Variants in TMEM120B observed in about 807,000 individuals in gnomAD.
TMEM120B encodes transmembrane protein 120B.
A neutral mutation model predicts 55.5 loss-of-function variants in TMEM120B; 31 were observed. The observed-to-expected ratio is 0.56, with a 90% confidence interval of 0.42 to 0.75. TMEM120B has a LOEUF of 0.75. TMEM120B is among the 30% of genes least tolerant of loss of function. The pLI is 0.00. For missense variants in TMEM120B, 399 were observed against 425.5 expected, an observed-to-expected ratio of 0.94 and a Z score of 0.55; for synonymous variants, 203 against 176.3, an observed-to-expected ratio of 1.15 and a Z score of -1.20.
At chr12:121,736,874 C>T (rs748314025) in intron 1 of TMEM120B, among the ~76,000 whole-genome samples, 40 of 151,992 alleles carry the variant, frequency 2.6e-4, no homozygotes, top group Non-Finnish European at 2.5e-4. Context: ...ATGTCTGGAA[C>T]CTATGCGGGA....
chr12:121,756,608 G>A (rs1458402382), intron 5 of TMEM120B, among the ~76,000 whole-genome samples: 1 of 152,098 alleles, frequency 6.6e-6, no homozygotes, highest in African/African-American at 2.4e-5. Flanking sequence ...AAAAGGGAGG[G>A]AACCCCCCCG....
intron 2 of TMEM120B, among the ~76,000 whole-genome samples, chr12:121,746,217 C>T (rs1254760531): frequency 5.8e-5 from 8 of 137,236 alleles, no homozygotes; most frequent in East Asian, 4.4e-4. Flanking sequence ...GACAGAGTTT[C>T]GCTCTTGTTG....
intron 6 of TMEM120B, among the ~76,000 whole-genome samples, chr12:121,766,580 G>A (rs1447080321): frequency 6.6e-6 from 1 of 152,162 alleles, no homozygotes; most frequent in East Asian, 1.9e-4. Context: ...GGCCAGGCTT[G>A]GGTGACCTAC....
intron 6 of TMEM120B, among the ~76,000 whole-genome samples, chr12:121,767,482 G>A (rs1315252421): frequency 1.3e-5 from 2 of 152,292 alleles, no homozygotes; most frequent in African/African-American, 4.8e-5. Context: ...TTTAACTTCT[G>A]TGGTGAAATG....
intron 1 of TMEM120B, among the ~76,000 whole-genome samples, chr12:121,724,947 A>G (rs1169534702): frequency 1.3e-5 from 2 of 152,130 alleles, no homozygotes; most frequent in South Asian, 2.1e-4. Flanking sequence ...ACAGTTCTAT[A>G]GGCTCCATGT....
Position 121,781,594 on chromosome 12 carries a change from T to G in TMEM120B, c.*5872T>G. ...CTAGGGCTGGGGCTGGAGAAACTGC[T>G]AGAGATGATGCCGATAGCCAGTGTG... On this transcript the variant is annotated 3_prime_UTR_variant, in exon 12 of 12. Transcript: ENST00000449592. The G allele has an allele frequency of 4.7e-6, 1 of 213,614 alleles. No homozygotes were observed. The highest frequency in any genetic ancestry group is 1.2e-4 in the East Asian group (1 of 8,246). 13.2% of individuals were successfully genotyped at this position (213,614 alleles called of 1,614,324 possible). A position where few individuals can be genotyped will look rare whatever the true frequency, so the allele number is the denominator to read the frequency against.
At chr12:121,738,031 A>T (rs1424183699) in intron 1 of TMEM120B, among the ~76,000 whole-genome samples, 1 of 149,602 alleles carries the variant, frequency 6.7e-6, no homozygotes, top group Non-Finnish European at 1.5e-5. Context: ...AAAAAAAAAG[A>T]AAGTCCAGGC....
At chr12:121,758,894 G>A (rs1873575348) in intron 5 of TMEM120B, 1 of 982,176 alleles carries the variant, frequency 1.0e-6, no homozygotes, top group East Asian at 1.2e-4. Context: ...CACCATGGAG[G>A]AGGACGGCCT....
intron 6 of TMEM120B, among the ~76,000 whole-genome samples, chr12:121,767,072 A>C (rs1275427068): frequency 6.6e-6 from 1 of 152,060 alleles, no homozygotes; most frequent in Non-Finnish European, 1.5e-5. Context: ...ATATTGGGAC[A>C]TGCTGTCCCT....
intron 2 of TMEM120B, among the ~76,000 whole-genome samples, chr12:121,745,746 G>A (rs913693193): frequency 2.0e-5 from 3 of 152,172 alleles, no homozygotes; most frequent in South Asian, 4.1e-4. Context: ...GTGCAGTGGC[G>A]CAATCACGGC....
intron 6 of TMEM120B, 99 bp downstream of exon 6, chr12:121,761,837 T>A: frequency 1.1e-6 from 1 of 905,968 alleles, no homozygotes; most frequent in Non-Finnish European, 1.8e-6. Flanking sequence ...GCTGCATTCC[T>A]CTCCTCCTTG....
intron 1 of TMEM120B, among the ~76,000 whole-genome samples, chr12:121,729,111 T>C (rs1032779478): frequency 6.6e-6 from 1 of 152,118 alleles, no homozygotes; most frequent in East Asian, 1.9e-4. Flanking sequence ...GAGGGATGGG[T>C]ACCGCAAAAA....
intron 1 of TMEM120B, among the ~76,000 whole-genome samples, chr12:121,730,272 AG>A (rs1304132318): frequency 2.6e-5 from 4 of 150,984 alleles, no homozygotes; most frequent in African/African-American, 9.8e-5. Flanking sequence ...AAAAAAAAAA[AG>A]AAGGAAATTC....
Position 121,779,263 on chromosome 12 carries a change from A to G in TMEM120B, c.*3541A>G, listed in dbSNP as rs971179892. ...ATGAGGGCACTTGCGAGTCCCGACAACAGACACTGGCTCCTGCACCCACAT... is the reference window on the plus strand; with the variant it reads ...ATGAGGGCACTTGCGAGTCCCGACAGCAGACACTGGCTCCTGCACCCACAT... On this transcript the variant is annotated 3_prime_UTR_variant, in exon 12 of 12. Coordinates refer to ENST00000449592, the MANE Select transcript of TMEM120B (RefSeq NM_001080825.2). 1.8e-5 allele frequency: 10 copies of G among 567,448 alleles called. No homozygotes were observed. Among genetic ancestry groups the G allele is most frequent in the African/African-American group, 1.7e-4 (9 of 53,264 alleles). The allele number at this position is 567,448 out of a possible 1,614,324, so 35.2% of individuals were successfully genotyped here. A position where few individuals can be genotyped will look rare whatever the true frequency, so the allele number is the denominator to read the frequency against.
intron 8 of TMEM120B, among the ~76,000 whole-genome samples, chr12:121,773,090 C>T (rs1433012351): frequency 6.6e-6 from 1 of 152,170 alleles, no homozygotes; most frequent in Non-Finnish European, 1.5e-5. Flanking sequence ...ACAGAGCTCC[C>T]AACATAGCAC....
rs367771411 is a variant in TMEM120B at position 121,761,731 on chromosome 12, G to A, written c.544G>A (p.Gly182Ser). 3 of 1,613,516 alleles carry A rather than the reference G, an allele frequency of 1.9e-6. No individual in the cohort carries two copies. The highest frequency in any genetic ancestry group is 1.7e-6 in the Non-Finnish European group (2 of 1,179,574). ...TIRESILISN[G>S]SRIKGWWVSH... ...TCGGGAGAGCATTCTCATCAGCAACGGCTCAAGGTACCTGGGCACCTGGCT... is the reference window on the plus strand; with the variant it reads ...TCGGGAGAGCATTCTCATCAGCAACAGCTCAAGGTACCTGGGCACCTGGCT... The change falls in exon 6 of 12, where the codon GGC becomes AGC. Residue 182 changes from glycine (G) to serine (S), a missense_variant. Physicochemically the swap from Gly to Ser is moderately conservative, Grantham distance 56. Transcript: ENST00000449592.
rs1449612446 is a variant in TMEM120B at position 121,780,653 on chromosome 12, G to A, written c.*4931G>A. ...TCAGTTTCTCCCCCTGTAAACTGGGGGATGTGAACAGCGCCTGCCTCCGAG... is the reference window on the plus strand; with the variant it reads ...TCAGTTTCTCCCCCTGTAAACTGGGAGATGTGAACAGCGCCTGCCTCCGAG... On this transcript the variant is annotated 3_prime_UTR_variant, in exon 12 of 12. Transcript: ENST00000449592. 14 of 594,174 alleles carry A rather than the reference G, an allele frequency of 2.4e-5. No homozygotes were observed. In the South Asian group the frequency reaches 3.2e-4, roughly 13 times the overall value. 36.8% of individuals were successfully genotyped at this position (594,174 alleles called of 1,614,324 possible).
chr12:121,716,111 TG>T (rs1292057636), intron 1 of TMEM120B, among the ~76,000 whole-genome samples: 1 of 150,702 alleles, frequency 6.6e-6, no homozygotes, highest in Non-Finnish European at 1.5e-5. Context: ...GAGACCAGCC[TG>T]GGAAACATAG....
intron 4 of TMEM120B, among the ~76,000 whole-genome samples, chr12:121,751,662 C>G (rs1873333674): frequency 6.7e-6 from 1 of 150,288 alleles, no homozygotes. Context: ...CCCCTCCCTC[C>G]CCTCCCTCCC....
Sources: gnomAD v4.1 joint callset for allele counts (sites outside exome capture counted in the v4.1 genomes callset) on GRCh38, gnomAD v4.1.1 for gene constraint, MANE v1.5 for transcripts, NCBI Gene and HGNC (gene_info 2026-07-23, HGNC 2026-07-21) for gene names.